PCDH19: variants seen among roughly 807,000 people sequenced by gnomAD.
PCDH19 encodes protocadherin-19.
A neutral mutation model predicts 46.2 loss-of-function variants in PCDH19; 6 were observed. The observed-to-expected ratio is 0.13, with a 90% CI of 0.07 to 0.26. The LOEUF is 0.26. Among genes scored for constraint, PCDH19 ranks in the 10% least tolerant of loss-of-function variants. The pLI is 1.00. For synonymous variants in PCDH19, 481 were observed against 415.7 expected, an observed-to-expected ratio of 1.16 and a Z score of -1.91; for missense variants, 740 against 972.3, an observed-to-expected ratio of 0.76 and a Z score of 3.18.
chrX:100,333,225 G>GAAAGAAAA (rs1925971968), intron 5 of PCDH19, among the ~76,000 whole-genome samples: 4 of 105,869 alleles, frequency 3.8e-5, no homozygotes, highest in African/African-American at 1.4e-4. Context: ...AAGAAAGAAA[G>GAAAGAAAA]AAAGAAAGAA....
intron 3 of PCDH19, among the ~76,000 whole-genome samples, chrX:100,397,803 G>A (rs1247899392): frequency 8.9e-6 from 1 of 111,980 alleles, no homozygotes; most frequent in Non-Finnish European, 1.9e-5. Flanking sequence ...CCAGCATCCA[G>A]AGACACCAGT....
chrX:100,304,951 T>C (rs957583329), intron 5 of PCDH19, among the ~76,000 whole-genome samples: 2 of 112,226 alleles, frequency 1.8e-5, no homozygotes, highest in Non-Finnish European at 3.8e-5. Context: ...CAAAGAATAA[T>C]GGGTGTTCCC....
chrX:100,320,604 A>G (rs189841458), intron 5 of PCDH19, among the ~76,000 whole-genome samples: 1 of 111,382 alleles, frequency 9.0e-6, no homozygotes, highest in Non-Finnish European at 1.9e-5. Context: ...TCAATCTTGA[A>G]TGACTGGGCC....
rs975049957 is a variant in PCDH19, at chrX:100,294,383, A to C, written c.*1894T>G. 9.0e-6 allele frequency: 1 copy of C among 111,551 alleles called. No individual in the cohort carries two copies. The allele number at this position is 111,551 out of a possible 1,213,427, so 9.2% of individuals were successfully genotyped here. A position where few individuals can be genotyped will look rare whatever the true frequency, so the allele number is the denominator to read the frequency against. ...ATAAGGATGGATTTGTAGCTTCATT[A>C]TAAGTTCTTTTTCAGAAATGTTCTC... is the stretch of plus-strand genomic sequence containing the variant. On this transcript the variant is annotated 3_prime_UTR_variant, in exon 6 of 6. Coordinates refer to ENST00000373034, the MANE Select transcript of PCDH19 (RefSeq NM_001184880.2).
Position 100,408,421 on chromosome X carries a change from T to C in PCDH19, c.177A>G (p.Ser59=). The stretch of plus-strand genomic sequence containing the variant: ...CCGAGTTGGACACCACGCGAAAGGC[T>C]GAAGCCTGCCGGGGGTCCAGCGCGA... ...AGFALDPRQA[S]AFRVVSNSAP... is the part of the protein sequence containing the mutation. The change falls in exon 1 of 6, where the codon TCA becomes TCG. Residue 59 remains serine (S), a synonymous_variant. Transcript: ENST00000373034. 2 of 1,206,702 alleles carry C rather than the reference T, an allele frequency of 1.7e-6. No homozygotes were observed. The highest frequency in any genetic ancestry group is 2.2e-6 in the Non-Finnish European group (2 of 894,440).
intron 3 of PCDH19, among the ~76,000 whole-genome samples, chrX:100,385,328 A>G (rs1294927579): frequency 2.7e-5 from 3 of 111,020 alleles, no homozygotes; most frequent in Non-Finnish European, 5.7e-5. Flanking sequence ...CATTGCTACA[A>G]CTTATCTGGG....
chrX:100,358,905 T>C (rs1420946113), intron 3 of PCDH19, among the ~76,000 whole-genome samples: 1 of 112,159 alleles, frequency 8.9e-6, no homozygotes, highest in Non-Finnish European at 1.9e-5. Flanking sequence ...GAGAACCAAA[T>C]AGCTCTCAAC....
chrX:100,297,736 CCAGGT>C (rs1318608999), intron 5 of PCDH19, among the ~76,000 whole-genome samples: 2 of 111,585 alleles, frequency 1.8e-5, no homozygotes, highest in African/African-American at 6.5e-5. Flanking sequence ...ATTTATCTTT[CCAGGT>C]CAGGTTCACT....
rs369647740 is a variant in PCDH19 at position 100,296,369 on chromosome X, C to T, written c.3355G>A (p.Glu1119Lys). ...SEAEPRGADS[E>K]KVMHEVSPIL... Reference sequence around the variant, plus strand: ...GGGCTGACCTCATGCATGACTTTCTCGCTATCAGCTCCACGGGGCTCAGCT... The same window carrying T: ...GGGCTGACCTCATGCATGACTTTCTTGCTATCAGCTCCACGGGGCTCAGCT... Residue 1119 changes from glutamate to lysine, a missense_variant, in exon 6 of 6, where the codon GAG (glutamate) becomes AAG (lysine). Transcript: ENST00000373034. 30 of 1,209,652 alleles carry T rather than the reference C, an allele frequency of 2.5e-5. No individual in the cohort carries two copies. The highest frequency in any genetic ancestry group is 2.5e-5 in the Non-Finnish European group (22 of 895,088).
intron 3 of PCDH19, among the ~76,000 whole-genome samples, chrX:100,357,942 A>G (rs953366269): frequency 8.9e-6 from 1 of 112,087 alleles, no homozygotes; most frequent in African/African-American, 3.2e-5. Flanking sequence ...ACTTATCACA[A>G]TTAAGGCAGG....
chrX:100,378,004 G>A (rs1927437999), intron 3 of PCDH19, among the ~76,000 whole-genome samples: 1 of 112,463 alleles, frequency 8.9e-6, no homozygotes, highest in Non-Finnish European at 1.9e-5. Flanking sequence ...AAACCAAGCT[G>A]GATAAATATT....
chrX:100,296,064 C>G lies in PCDH19; in HGVS notation c.*213G>C, dbSNP rs1037861234. On this transcript the variant is annotated 3_prime_UTR_variant, in exon 6 of 6. Transcript: ENST00000373034. ...CAACATCAAGGCCCCATGAACAACTCAAGCCAAAGCTAATTTGCTCCAACT... is the reference window on the plus strand; with the variant it reads ...CAACATCAAGGCCCCATGAACAACTGAAGCCAAAGCTAATTTGCTCCAACT... 70 of 443,045 alleles carry G rather than the reference C, an allele frequency of 1.6e-4. No individual in the cohort carries two copies. The highest frequency in any genetic ancestry group is 1.5e-3 in the African/African-American group (62 of 40,573). The allele number at this position is 443,045 out of a possible 1,213,427, so 36.5% of individuals were successfully genotyped here.
intron 1 of PCDH19, among the ~76,000 whole-genome samples, chrX:100,404,901 TTTGAAAGCTAAGAGCAATA>T (rs1242130117): frequency 8.9e-6 from 1 of 111,942 alleles, no homozygotes; most frequent in Non-Finnish European, 1.9e-5. Flanking sequence ...CAGTCACAGG[TTTGAAAGCTAAGAGCAATA>T]TTAATTTACA....
Position 100,408,689 on chromosome X carries a change from T to C in PCDH19, c.-92A>G. The C allele has an allele frequency of 1.2e-6, 1 of 822,249 alleles. No homozygotes were observed. Among genetic ancestry groups the C allele is most frequent in the Non-Finnish European group, 1.7e-6 (1 of 578,730 alleles). 67.8% of individuals were successfully genotyped at this position (822,249 alleles called of 1,213,427 possible). ...CAGCTTCCCGCCGGCTCGGGCCGCC[T>C]GTTGCGCGCGCCCCGTGGCCCCGGA... is the stretch of plus-strand genomic sequence containing the variant. On this transcript the variant is annotated 5_prime_UTR_variant, in exon 1 of 6. Coordinates refer to ENST00000373034, the MANE Select transcript of PCDH19 (RefSeq NM_001184880.2).
chrX:100,346,288 G>T (rs1926397358), intron 4 of PCDH19, among the ~76,000 whole-genome samples: 1 of 112,374 alleles, frequency 8.9e-6, no homozygotes, highest in African/African-American at 3.2e-5. Context: ...ATGGAAACAG[G>T]TTATATCTTA....
Position 100,408,285 on chromosome X carries a change from C to G in PCDH19, c.313G>C (p.Val105Leu). 1 of 1,211,701 alleles carries G rather than the reference C, an allele frequency of 8.3e-7. No individual in the cohort carries two copies. The highest frequency in any genetic ancestry group is 1.7e-5 in the African/African-American group (1 of 57,831). ...QSPKCIISLEVMSSSMEICVI... is the reference protein window; with the variant it reads ...QSPKCIISLELMSSSMEICVI... The stretch of plus-strand genomic sequence containing the variant: ...CAGATTTCCATTGAGCTGGACATGA[C>G]CTCGAGCGAGATGATGCACTTGGGG... The change falls in exon 1 of 6, where the codon GTC (valine) becomes CTC (leucine). Residue 105 changes from valine to leucine, a missense_variant. Transcript: ENST00000373034.
intron 3 of PCDH19, among the ~76,000 whole-genome samples, chrX:100,357,679 T>G (rs1926756181): frequency 8.9e-6 from 1 of 111,951 alleles, no homozygotes; most frequent in African/African-American, 3.2e-5. Context: ...CTAATATATC[T>G]CCATCACTGA....
chrX:100,329,762 A>C (rs1279353638), intron 5 of PCDH19, among the ~76,000 whole-genome samples: 1 of 109,943 alleles, frequency 9.1e-6, no homozygotes, highest in Non-Finnish European at 1.9e-5. Context: ...ACAAAAAAAA[A>C]TTAGCCGGGC....
chrX:100,341,132 T>C (rs933235435), intron 5 of PCDH19, among the ~76,000 whole-genome samples: 2 of 112,560 alleles, frequency 1.8e-5, no homozygotes, highest in African/African-American at 3.2e-5. Flanking sequence ...AATGTTTTTA[T>C]ACCCTGGCTT....
Sources: gnomAD v4.1 joint callset for allele counts (sites outside exome capture counted in the v4.1 genomes callset) on GRCh38, gnomAD v4.1.1 for gene constraint, MANE v1.5 for transcripts, NCBI Gene and HGNC (gene_info 2026-07-23, HGNC 2026-07-21) for gene names.